MAF: variants seen among roughly 807,000 people sequenced by gnomAD.
The protein encoded by MAF is transcription factor Maf.
Under a neutral mutation model 22.0 loss-of-function variants are expected in MAF, and 10 were observed. That is an observed-to-expected ratio of 0.45 (90% confidence interval 0.28 to 0.77). The LOEUF (loss-of-function observed/expected upper bound fraction) is 0.77, where lower values mean the gene tolerates loss of function less well. Ranked by LOEUF, MAF falls within the 30% of genes least tolerant of loss-of-function variation. MAF has a pLI of 0.12. For missense variants in MAF, 544 were observed against 548.4 expected, an observed-to-expected ratio of 0.99 and a Z score of 0.08; for synonymous variants, 337 against 255.8, an observed-to-expected ratio of 1.32 and a Z score of -3.03.
the MAF span, among the ~76,000 whole-genome samples, chr16:79,258,859 A>G: frequency 7.9e-5 from 12 of 152,092 alleles, no homozygotes; most frequent in Non-Finnish European, 1.8e-4. Context: ...CCAGGAAGAA[A>G]CCTAGATGTC....
chr16:79,568,750 T>C, the MAF span, among the ~76,000 whole-genome samples: 1 of 152,182 alleles, frequency 6.6e-6, no homozygotes, highest in Admixed American at 6.5e-5. Context: ...AATTGAGAAG[T>C]AGTAAGTGAG....
At chr16:79,441,078 G>A in the MAF span, among the ~76,000 whole-genome samples, 1 of 152,176 alleles carries the variant, frequency 6.6e-6, no homozygotes, top group Non-Finnish European at 1.5e-5. Flanking sequence ...AGAATGACAT[G>A]TATTAATAGA....
the MAF span, among the ~76,000 whole-genome samples, chr16:79,224,903 G>C: frequency 1.3e-5 from 2 of 152,186 alleles, no homozygotes; most frequent in African/African-American, 4.8e-5. Context: ...CTCATGGGTA[G>C]GAAGAATCAA....
the MAF span, among the ~76,000 whole-genome samples, chr16:79,332,433 T>C: frequency 6.6e-6 from 1 of 152,320 alleles, no homozygotes; most frequent in East Asian, 1.9e-4. Context: ...CCCGAGTAGC[T>C]GGGATTACAG....
chr16:79,588,947 G>C (rs978740241), downstream of MAF, among the ~76,000 whole-genome samples: 1 of 152,120 alleles, frequency 6.6e-6, no homozygotes, highest in African/African-American at 2.4e-5. Flanking sequence ...ATTACCGAGG[G>C]TTTTTCCGCC....
At chr16:79,271,205 C>T in the MAF span, among the ~76,000 whole-genome samples, 5 of 152,038 alleles carry the variant, frequency 3.3e-5, no homozygotes, top group African/African-American at 7.3e-5. Context: ...CGTGAGCCAC[C>T]GCACCCAGCC....
chr16:79,411,865 C>T, the MAF span, among the ~76,000 whole-genome samples: 13 of 152,160 alleles, frequency 8.5e-5, no homozygotes, highest in African/African-American at 3.1e-4. Flanking sequence ...CCTCGGCACT[C>T]ATTTCTGTGT....
At chr16:79,405,670 T>C in the MAF span, among the ~76,000 whole-genome samples, 2 of 152,238 alleles carry the variant, frequency 1.3e-5, no homozygotes, top group Non-Finnish European at 2.9e-5. Flanking sequence ...CGAATGTTCA[T>C]ACAGATCTAA....
chr16:79,427,707 T>C, the MAF span, among the ~76,000 whole-genome samples: 1 of 152,128 alleles, frequency 6.6e-6, no homozygotes, highest in South Asian at 2.1e-4. Context: ...CCGTTCCTGA[T>C]AGCCCTGTAC....
the MAF span, among the ~76,000 whole-genome samples, chr16:79,329,859 T>C: frequency 2.6e-5 from 4 of 152,180 alleles, no homozygotes; most frequent in Admixed American, 1.3e-4. Flanking sequence ...CTCGATTATC[T>C]TTCCTACTCA....
chr16:79,497,448 A>G, the MAF span, among the ~76,000 whole-genome samples: 1 of 152,120 alleles, frequency 6.6e-6, no homozygotes, highest in Non-Finnish European at 1.5e-5. Context: ...CAGCGCTGCT[A>G]TGTACAGTTG....
the MAF span, among the ~76,000 whole-genome samples, chr16:79,217,953 T>G: frequency 3.4e-3 from 433 of 126,910 alleles, 4 homozygotes; most frequent in Admixed American, 0.032. Context: ...GCCCATTCTG[T>G]TCACCAGCAG....
At chr16:79,221,448 T>C in the MAF span, among the ~76,000 whole-genome samples, 1 of 152,140 alleles carries the variant, frequency 6.6e-6, no homozygotes, top group South Asian at 2.1e-4. Context: ...TTTCAAAATA[T>C]AGGAGCAGAA....
At chr16:79,497,438 C>G in the MAF span, among the ~76,000 whole-genome samples, 2 of 152,320 alleles carry the variant, frequency 1.3e-5, no homozygotes, top group African/African-American at 2.4e-5. Flanking sequence ...GGAGACCCAG[C>G]AGCGCTGCTA....
the MAF span, among the ~76,000 whole-genome samples, chr16:79,530,591 T>A: frequency 6.6e-6 from 1 of 152,190 alleles, no homozygotes; most frequent in South Asian, 2.1e-4. Flanking sequence ...ATATATATAT[T>A]TGTGCCTCAA....
the MAF span, among the ~76,000 whole-genome samples, chr16:79,383,783 A>C: frequency 6.6e-6 from 1 of 152,196 alleles, no homozygotes; most frequent in African/African-American, 2.4e-5. Flanking sequence ...TTAAACCTGC[A>C]GTTGGTATGA....
chr16:79,354,159 T>C, the MAF span, among the ~76,000 whole-genome samples: 1 of 151,790 alleles, frequency 6.6e-6, no homozygotes, highest in African/African-American at 2.4e-5. Context: ...CGTGACTAAT[T>C]TTTTTGGGTT....
At chr16:79,233,370 G>A in the MAF span, among the ~76,000 whole-genome samples, 1,459 of 152,038 alleles carry the variant, frequency 9.6e-3, 30 homozygotes, top group African/African-American at 0.033. Context: ...GATCATCCAG[G>A]GCCCCTTGTG....
chr16:79,478,825 T>C, the MAF span, among the ~76,000 whole-genome samples: 30 of 151,582 alleles, frequency 2.0e-4, 1 homozygote, highest in Admixed American at 6.6e-4. Context: ...CTGGCATACC[T>C]GTATCCCATC....
Sources: gnomAD v4.1 joint callset for allele counts (sites outside exome capture counted in the v4.1 genomes callset) on GRCh38, gnomAD v4.1.1 for gene constraint, MANE v1.5 for transcripts, NCBI Gene and HGNC (gene_info 2026-07-23, HGNC 2026-07-21) for gene names.